Variants in KALRN observed in about 807,000 individuals in gnomAD.
KALRN encodes kalirin RhoGEF kinase.
A neutral mutation model predicts 353.7 loss-of-function variants in KALRN; 70 were observed. The ratio of observed to expected loss-of-function variants is 0.20; its 90% confidence interval spans 0.16 to 0.24. The LOEUF (loss-of-function observed/expected upper bound fraction) is 0.24, where lower values mean the gene tolerates loss of function less well. Among genes scored for constraint, KALRN ranks in the 10% least tolerant of loss-of-function variants. The probability of loss-of-function intolerance (pLI) is 1.00; values close to 1 mark genes in which losing one functional copy is unlikely to be tolerated. For synonymous variants in KALRN, 1,391 were observed against 1,434.8 expected (o/e 0.97, Z 0.69); for missense variants, 2,791 against 3,756.7 (o/e 0.74, Z 6.72).
In KALRN at chr3:124,551,841, G is replaced by T. The variant is rs80239702; in HGVS notation, c.4936-11002G>T. Among the ~76,000 whole-genome samples, 1,010 of 152,312 alleles carry T rather than the reference G, an allele frequency of 6.6e-3. 4 individuals carry two copies. The highest frequency in any genetic ancestry group is 0.01 in the Non-Finnish European group (696 of 68,024). On this transcript the variant is annotated intron_variant, in intron 33 of 59. Coordinates refer to ENST00000682506, the MANE Select transcript of KALRN (RefSeq NM_001388419.1). Reference sequence around the variant, plus strand: ...GGACATCACAGCTGTCTCCCTGACTGCTGTATGCCCCATGCCCAGCACAGC... The same window carrying T: ...GGACATCACAGCTGTCTCCCTGACTTCTGTATGCCCCATGCCCAGCACAGC...
At chr3:124,180,007 A>G (rs1318080492) in intron 1 of KALRN, among the ~76,000 whole-genome samples, 2 of 152,236 alleles carry the variant, frequency 1.3e-5, no homozygotes, top group African/African-American at 4.8e-5. Flanking sequence ...ATAGTTGTAT[A>G]GCTTCCTTTT....
Position 124,515,106 on chromosome 3 carries a change from C to T in KALRN, c.4935+18693C>T, listed in dbSNP as rs1228005545. Among the ~76,000 whole-genome samples the T allele has an allele frequency of 5.3e-5, 8 of 152,252 alleles. No homozygotes were observed. The East Asian group carries it at 7.7e-4, about 15-fold the overall frequency. The stretch of plus-strand genomic sequence containing the variant: ...TAACTGCCTCAAATTCTTAGTGGAA[C>T]GAGAAAAGGTATAATATAATAAACA... On this transcript the variant is annotated intron_variant, in intron 33 of 59. Transcript: ENST00000682506.
chr3:124,531,232 A>G (rs554744537), intron 33 of KALRN, among the ~76,000 whole-genome samples: 1 of 152,280 alleles, frequency 6.6e-6, no homozygotes, highest in Non-Finnish European at 1.5e-5. Context: ...TATATCCAGA[A>G]GGCAGAAATA....
chr3:124,114,676 G>T (rs1333172455), intron 1 of KALRN, among the ~76,000 whole-genome samples: 3 of 152,204 alleles, frequency 2.0e-5, no homozygotes, highest in Non-Finnish European at 4.4e-5. Flanking sequence ...GGCAGGTACG[G>T]CTGACAATGC....
chr3:124,411,472 G>A (rs180706008), intron 13 of KALRN, among the ~76,000 whole-genome samples: 108 of 62,954 alleles, frequency 1.7e-3, no homozygotes, highest in Non-Finnish European at 2.6e-3. Flanking sequence ...AAGAAACAGG[G>A]TCTCTATCAC....
chr3:124,411,300 GT>G (rs1451938955), intron 13 of KALRN, among the ~76,000 whole-genome samples: 1 of 151,952 alleles, frequency 6.6e-6, no homozygotes, highest in Non-Finnish European at 1.5e-5. Context: ...GTATAAAATT[GT>G]CAAGACTCAG....
At chr3:124,376,551 A>G (rs2086616994) in intron 10 of KALRN, among the ~76,000 whole-genome samples, 1 of 152,218 alleles carries the variant, frequency 6.6e-6, no homozygotes, top group Admixed American at 6.5e-5. Flanking sequence ...GAGTTCTAGG[A>G]TGAAAACTGA....
chr3:124,477,186 G>A (rs2061507810), intron 26 of KALRN, 59 bp from the exon 27 acceptor site: 4 of 1,262,398 alleles, frequency 3.2e-6, no homozygotes, highest in Middle Eastern at 1.9e-4. Flanking sequence ...CCTTCAGCAT[G>A]GTGGACAGAA....
chr3:124,452,816 C>G (rs1261401701), intron 21 of KALRN, among the ~76,000 whole-genome samples: 1 of 152,178 alleles, frequency 6.6e-6, no homozygotes, highest in South Asian at 2.1e-4. Flanking sequence ...TTGCTGACTC[C>G]GAATCACAAT....
At chr3:124,211,418 A>G (rs763997597) in intron 1 of KALRN, among the ~76,000 whole-genome samples, 3 of 152,252 alleles carry the variant, frequency 2.0e-5, no homozygotes, top group Admixed American at 6.5e-5. Context: ...ATCATTTTAT[A>G]GTACAATATG....
intron 34 of KALRN, among the ~76,000 whole-genome samples, chr3:124,615,258 A>G (rs561274762): frequency 6.6e-6 from 1 of 152,338 alleles, no homozygotes; most frequent in South Asian, 2.1e-4. Context: ...AATCATAAGG[A>G]AATACATGGC....
chr3:124,461,185 G>GA (rs1215847063), intron 23 of KALRN, among the ~76,000 whole-genome samples: 2 of 152,102 alleles, frequency 1.3e-5, no homozygotes, highest in African/African-American at 4.8e-5. Context: ...TTTATAATGT[G>GA]AAAATTAGAT....
chr3:124,541,736 G>T (rs755056338), intron 33 of KALRN, among the ~76,000 whole-genome samples: 1 of 147,082 alleles, frequency 6.8e-6, no homozygotes, highest in Non-Finnish European at 1.5e-5. Flanking sequence ...AAAAAAAAAA[G>T]CAAAAATTAG....
At chr3:124,718,888 T>A (rs1451849026) in intron 59 of KALRN, 37 bp from the exon 60 acceptor site, 1 of 1,597,152 alleles carries the variant, frequency 6.3e-7, no homozygotes, top group African/African-American at 1.3e-5. Context: ...GGCCTAAACT[T>A]CCCTTCTTTT....
intron 34 of KALRN, among the ~76,000 whole-genome samples, chr3:124,614,914 T>G (rs1351857293): frequency 1.3e-5 from 2 of 152,186 alleles, no homozygotes; most frequent in Admixed American, 6.5e-5. Context: ...TTCAATGGAG[T>G]AGAAAATTAG....
Position 124,430,704 on chromosome 3 carries a change from G to T in KALRN, c.2758G>T (p.Val920Phe). Reference sequence around the variant, plus strand: ...AGAGTCAATGCTCAACGCCAGCCTGGTCAATGCCAGCTCTTTGTCGGAAGC... The same window carrying T: ...AGAGTCAATGCTCAACGCCAGCCTGTTCAATGCCAGCTCTTTGTCGGAAGC... ...NGESMLNASL[V>F]NASSLSEAEQ... The change falls in exon 16 of 60, where the codon GTC becomes TTC. Residue 920 changes from valine to phenylalanine, a missense_variant. Physicochemically the swap from Val to Phe is conservative, Grantham distance 50. Transcript: ENST00000682506. 1 of 1,614,176 alleles carries T rather than the reference G, an allele frequency of 6.2e-7. No individual in the cohort carries two copies. Among genetic ancestry groups the T allele is most frequent in the Non-Finnish European group, 8.5e-7 (1 of 1,180,008 alleles).
In KALRN at chr3:124,496,349, G is replaced by A. The variant is rs754133728; in HGVS notation, c.4871G>A (p.Ser1624Asn). Reference protein sequence around the residue: ...VEDIDSQGDGSSQPDTISIAS... With the variant: ...VEDIDSQGDGNSQPDTISIAS... Reference sequence around the variant, plus strand: ...GATATTGACAGCCAGGGGGATGGGAGCAGCCAACCAGACACCATCTCCATT... The same window carrying A: ...GATATTGACAGCCAGGGGGATGGGAACAGCCAACCAGACACCATCTCCATT... The change falls in exon 33 of 60, where the codon AGC (serine) becomes AAC (asparagine). Residue 1624 changes from serine to asparagine, a missense_variant. By Grantham distance (46) the Ser-to-Asn change is conservative. Transcript: ENST00000682506. The A allele has an allele frequency of 5.0e-6, 8 of 1,613,506 alleles. No homozygotes were observed. The highest frequency in any genetic ancestry group is 1.6e-4 in the Middle Eastern group (1 of 6,062).
intron 1 of KALRN, chr3:124,162,257 G>A (rs768143045): frequency 3.9e-5 from 6 of 152,140 alleles, no homozygotes; most frequent in Non-Finnish European, 8.8e-5. Context: ...GAAAGTCTAG[G>A]TGGAATAGAT....
At chr3:124,703,758 G>A (rs538583100) in intron 57 of KALRN, among the ~76,000 whole-genome samples, 2 of 152,234 alleles carry the variant, frequency 1.3e-5, no homozygotes, top group Non-Finnish European at 2.9e-5. Context: ...CCACGCTTGC[G>A]GGGAGGATGA....
Sources: gnomAD v4.1 joint callset for allele counts (sites outside exome capture counted in the v4.1 genomes callset) on GRCh38, gnomAD v4.1.1 for gene constraint, MANE v1.5 for transcripts, NCBI Gene and HGNC (gene_info 2026-07-23, HGNC 2026-07-21) for gene names.